Variants in TMEM161B observed in about 807,000 individuals in gnomAD.
The protein encoded by TMEM161B is transmembrane protein 161B.
TMEM161B carries 34 observed loss-of-function variants against 61.8 expected under a neutral mutation model. That is an observed-to-expected ratio of 0.55 (90% confidence interval 0.42 to 0.73). The LOEUF (loss-of-function observed/expected upper bound fraction) is 0.73. Among genes scored for constraint, TMEM161B ranks in the 30% least tolerant of loss-of-function variants. TMEM161B has a pLI of 0.00. For synonymous variants in TMEM161B, 167 were observed against 192.8 expected, an observed-to-expected ratio of 0.87 and a Z score of 1.11; for missense variants, 456 against 558.5, an observed-to-expected ratio of 0.82 and a Z score of 1.85.
intron 2 of TMEM161B, among the ~76,000 whole-genome samples, chr5:88,230,146 C>T (rs1750747703): frequency 6.6e-6 from 1 of 151,826 alleles, no homozygotes; most frequent in African/African-American, 2.4e-5. Context: ...TCATTGTGCC[C>T]CTGCATTCCA....
chr5:88,261,615 A>T (rs976533760), intron 1 of TMEM161B, among the ~76,000 whole-genome samples: 5 of 151,562 alleles, frequency 3.3e-5, no homozygotes, highest in Non-Finnish European at 5.9e-5. Flanking sequence ...GGCCAGAAAT[A>T]GACCCACATA....
chr5:88,207,069 C>T lies in TMEM161B; in HGVS notation c.558G>A (p.Leu186=), dbSNP rs201765484. ...FFFFVKAMAV[L]IVTENYLEFG... ...ATTCCAGATAATTTTCTGTTACAAT[C>T]AACACTGCCATTGCTTTGACAAAGA... is the stretch of plus-strand genomic sequence containing the variant. Residue 186 remains leucine (L), a synonymous_variant, in exon 6 of 12, where the codon TTG becomes TTA. Coordinates refer to ENST00000296595, the MANE Select transcript of TMEM161B (RefSeq NM_153354.5). The T allele has an allele frequency of 5.0e-6, 8 of 1,612,504 alleles. No individual in the cohort carries two copies. In the East Asian group the frequency reaches 6.7e-5, roughly 14 times the overall value.
chr5:88,228,883 A>G (rs1489495238), intron 2 of TMEM161B, among the ~76,000 whole-genome samples: 2 of 152,188 alleles, frequency 1.3e-5, no homozygotes, highest in African/African-American at 4.8e-5. Flanking sequence ...TTCTCTACTA[A>G]TCCCTCATTT....
intron 1 of TMEM161B, among the ~76,000 whole-genome samples, chr5:88,242,140 C>T (rs546393407): frequency 7.9e-5 from 12 of 151,700 alleles, no homozygotes; most frequent in Non-Finnish European, 4.4e-5. Flanking sequence ...TTTCCCCGTT[C>T]GACAGCCTTC....
At chr5:88,224,965 G>GTTTT (rs1008381182) in intron 4 of TMEM161B, among the ~76,000 whole-genome samples, 1 of 131,108 alleles carries the variant, frequency 7.6e-6, no homozygotes, top group Non-Finnish European at 1.6e-5. Flanking sequence ...ATATGTTTTT[G>GTTTT]TTTTTTTTTT....
Position 88,238,093 on chromosome 5 carries a change from T to C in TMEM161B, c.107+2720A>G, listed in dbSNP as rs144706357. 8.0e-4 allele frequency among the ~76,000 whole-genome samples: 122 copies of C among 152,234 alleles called. 1 individual carries two copies. In the East Asian group the frequency reaches 0.015, roughly 19 times the overall value. ...AAAACTACGCACATTCTCCTTTATA[T>C]ATTAAATAATCTCTAGGTTTCTCAT... On this transcript the variant is annotated intron_variant, in intron 2 of 11. Transcript: ENST00000296595.
chr5:88,199,725 A>C (rs1744014401), intron 9 of TMEM161B: 1 of 152,134 alleles, frequency 6.6e-6, no homozygotes, highest in Non-Finnish European at 1.5e-5. Context: ...CCTCAAGGTT[A>C]AGGTTAAGAT....
chr5:88,235,206 C>T lies in TMEM161B; in HGVS notation c.107+5607G>A, dbSNP rs1436217974. Reference sequence around the variant, plus strand: ...GACTTTATTTTTAAAATTTAAGTAGCATTTATAGTGCTTTAGAAATTTTAA... The same window carrying T: ...GACTTTATTTTTAAAATTTAAGTAGTATTTATAGTGCTTTAGAAATTTTAA... On this transcript the variant is annotated intron_variant, in intron 2 of 11. Coordinates refer to ENST00000296595, the MANE Select transcript of TMEM161B (RefSeq NM_153354.5). Among the ~76,000 whole-genome samples, 4 of 152,060 alleles carry T rather than the reference C, an allele frequency of 2.6e-5. No homozygotes were observed. The South Asian group carries it at 6.2e-4, about 24-fold the overall frequency.
intron 11 of TMEM161B, 101 bp downstream of exon 11, chr5:88,197,568 G>T (rs1042711338): frequency 5.0e-5 from 50 of 991,974 alleles, no homozygotes; most frequent in Non-Finnish European, 7.0e-5. Flanking sequence ...TTTAAAAAGA[G>T]AAACAATTTT....
intron 1 of TMEM161B, among the ~76,000 whole-genome samples, chr5:88,245,616 C>T (rs1477849389): frequency 6.6e-6 from 1 of 151,922 alleles, no homozygotes; most frequent in Non-Finnish European, 1.5e-5. Context: ...TGCTCCTTAA[C>T]AGCAAAAATT....
At chr5:88,253,317 TA>T (rs1371462706) in intron 1 of TMEM161B, among the ~76,000 whole-genome samples, 3 of 152,038 alleles carry the variant, frequency 2.0e-5, no homozygotes, top group African/African-American at 7.2e-5. Context: ...CACCTACAAA[TA>T]AAATATAAGT....
At chr5:88,266,948 T>A (rs1472509802) in intron 1 of TMEM161B, among the ~76,000 whole-genome samples, 1 of 152,206 alleles carries the variant, frequency 6.6e-6, no homozygotes. Context: ...GTTCCAAACA[T>A]TAACCATCTC....
intron 5 of TMEM161B, among the ~76,000 whole-genome samples, chr5:88,218,507 G>A (rs533160546): frequency 1.3e-5 from 2 of 152,226 alleles, no homozygotes; most frequent in African/African-American, 4.8e-5. Flanking sequence ...AAATCAGATG[G>A]CTGGGCGCAA....
downstream of TMEM161B, chr5:88,190,228 C>T (rs768463383): frequency 1.8e-4 from 126 of 701,022 alleles, 1 homozygote; most frequent in South Asian, 1.0e-3. Context: ...GCTTGCATGC[C>T]GGGTGGAACG....
intron 5 of TMEM161B, among the ~76,000 whole-genome samples, chr5:88,217,081 A>C (rs930874093): frequency 6.6e-6 from 1 of 152,152 alleles, no homozygotes; most frequent in Non-Finnish European, 1.5e-5. Context: ...AAAAGTCTGT[A>C]CTGCAGTTAT....
At chr5:88,254,208 T>A (rs1380866920) in intron 1 of TMEM161B, among the ~76,000 whole-genome samples, 1 of 152,174 alleles carries the variant, frequency 6.6e-6, no homozygotes, top group East Asian at 1.9e-4. Context: ...TATGGAGATG[T>A]ATTAATTCTG....
intron 1 of TMEM161B, among the ~76,000 whole-genome samples, chr5:88,261,162 C>G (rs1459793838): frequency 6.6e-6 from 1 of 152,024 alleles, no homozygotes; most frequent in African/African-American, 2.4e-5. Context: ...ATTAAAAATA[C>G]TATTTACATT....
chr5:88,232,137 T>C (rs568100900), intron 2 of TMEM161B, among the ~76,000 whole-genome samples: 6 of 152,184 alleles, frequency 3.9e-5, no homozygotes, highest in South Asian at 2.1e-4. Flanking sequence ...AAAAGCAAAA[T>C]TGTAAAAAAA....
chr5:88,265,187 C>G (rs983329465), intron 1 of TMEM161B, among the ~76,000 whole-genome samples: 3 of 152,186 alleles, frequency 2.0e-5, no homozygotes, highest in Non-Finnish European at 4.4e-5. Flanking sequence ...TCAAGTATCA[C>G]AGGTGATTCC....
Sources: allele counts gnomAD v4.1 joint callset (sites outside exome capture counted in the v4.1 genomes callset), GRCh38; gene constraint gnomAD v4.1.1; transcripts MANE v1.5; gene names NCBI Gene and HGNC (gene_info 2026-07-23, HGNC 2026-07-21).